The following C19orf47 variants were observed in gnomAD, a reference collection of about 807,000 sequenced individuals.
The protein encoded by C19orf47 is chromosome 19 open reading frame 47.
Under a neutral mutation model 32.3 loss-of-function variants are expected in C19orf47, and 18 were observed. The observed-to-expected ratio is 0.56, with a 90% CI of 0.39 to 0.83. The LOEUF (loss-of-function observed/expected upper bound fraction) is 0.83, where lower values mean the gene tolerates loss of function less well. Ranked by LOEUF, C19orf47 falls within the 40% of genes least tolerant of loss-of-function variation. The probability of loss-of-function intolerance (pLI) is 0.00; values close to 1 mark genes in which losing one functional copy is unlikely to be tolerated. For synonymous variants in C19orf47, 202 were observed against 211.1 expected (o/e 0.96, Z 0.37); for missense variants, 484 against 531.6 (o/e 0.91, Z 0.88).
downstream of C19orf47, among the ~76,000 whole-genome samples, chr19:40,317,717 G>GT (rs747223536): frequency 3.2e-3 from 466 of 145,844 alleles, no homozygotes; most frequent in Non-Finnish European, 4.9e-3. Context: ...CAAATCCACT[G>GT]TTTTTTTTTT....
chr19:40,327,303 C>T (rs1317130164), intron 6 of C19orf47, among the ~76,000 whole-genome samples: 1 of 151,256 alleles, frequency 6.6e-6, no homozygotes, highest in Non-Finnish European at 1.5e-5. Flanking sequence ...TGTGAGCCAC[C>T]CCGCCCAGCC....
At chr19:40,322,657 C>CCGCACAAAGGGAATGT (rs2077745517) in intron 8 of C19orf47, among the ~76,000 whole-genome samples, 2 of 152,196 alleles carry the variant, frequency 1.3e-5, no homozygotes, top group Admixed American at 6.5e-5. Flanking sequence ...GACGGGAGTG[C>CCGCACAAAGGGAATGT]CGCACAAAGG....
Position 40,328,497 on chromosome 19 carries a change from G to A in C19orf47, c.355C>T (p.Pro119Ser), listed in dbSNP as rs753599001. The change falls in exon 6 of 9, where the codon CCC becomes TCC. Residue 119 changes from proline (P) to serine (S), a missense_variant. Transcript: ENST00000683109. ...SLNHDSPPST[P>S]PRRPDTSTSK... ...GTGCTGGTGTCCGGGCGCCTGGGGG[G>A]TGTGCTGGGTGGAGAGTCATGGTTC... 5.0e-6 allele frequency: 8 copies of A among 1,611,746 alleles called. No individual in the cohort carries two copies. The Admixed American group carries it at 6.7e-5, about 14-fold the overall frequency.
chr19:40,347,169 C>G (rs762135732), intron 1 of C19orf47, among the ~76,000 whole-genome samples: 1 of 152,076 alleles, frequency 6.6e-6, no homozygotes, highest in Non-Finnish European at 1.5e-5. Context: ...ATGGGCTGTT[C>G]AGTTTCCATT....
At chr19:40,312,462 G>A in the C19orf47 span, among the ~76,000 whole-genome samples, 9 of 151,900 alleles carry the variant, frequency 5.9e-5, no homozygotes, top group Admixed American at 1.3e-4. Context: ...GGAGAATGGC[G>A]TGAACCCAGG....
chr19:40,326,169 T>C lies in C19orf47; in HGVS notation c.592+165A>G, dbSNP rs545581917. 3.9e-5 allele frequency among the ~76,000 whole-genome samples: 6 copies of C among 152,316 alleles called. No homozygotes were observed. The East Asian group carries it at 1.2e-3, about 29-fold the overall frequency. ...AGGATCAGAGGGCAGAGGTGATGTA[T>C]TTCCCTCCTCTGCAGCCACCATCAC... On this transcript the variant is annotated intron_variant, in intron 7 of 8. Transcript: ENST00000683109.
chr19:40,345,667 C>A (rs891270614), intron 1 of C19orf47, among the ~76,000 whole-genome samples: 11 of 150,402 alleles, frequency 7.3e-5, no homozygotes, highest in African/African-American at 2.4e-4. Context: ...TATGGTGAAA[C>A]CCCATCTCTA....
At chr19:40,340,979 A>G (rs2078166259) in intron 2 of C19orf47, among the ~76,000 whole-genome samples, 2 of 150,284 alleles carry the variant, frequency 1.3e-5, no homozygotes, top group East Asian at 2.0e-4. Flanking sequence ...CTGTCTCAAA[A>G]AAAAAAAAAA....
rs117383339 is a variant in C19orf47 at position 40,328,578 on chromosome 19, G to A, written c.302-28C>T. 7.5e-4 allele frequency: 1,195 copies of A among 1,584,930 alleles called. 1 individual carries two copies. The highest frequency in any genetic ancestry group is 3.8e-3 in the African/African-American group (282 of 73,436). On this transcript the variant is annotated intron_variant, in intron 5 of 8. Coordinates refer to ENST00000683109, the MANE Select transcript of C19orf47 (RefSeq NM_001256441.2). ...GTGGGGAGAAAAGGAGAGTCCGGTC[G>A]GGTGGGGTCCTGGAAGACAGGCCTC...
intron 5 of C19orf47, 68 bp from the exon 6 acceptor site, chr19:40,328,618 A>C: frequency 8.5e-6 from 13 of 1,531,082 alleles, no homozygotes; most frequent in South Asian, 1.3e-5. Context: ...CAGCAGTCTC[A>C]GGGTCAGGAT....
In C19orf47 at chr19:40,324,047, G is replaced by C; in HGVS notation, c.622C>G (p.Leu208Val). The change falls in exon 8 of 9, where the codon CTC becomes GTC. Residue 208 changes from leucine (L) to valine (V), a missense_variant. By Grantham distance (32) the Leu-to-Val change is conservative. This residue lies in a region of C19orf47 where 376 missense variants were observed against 370.2 expected (regional missense o/e 1.02). Transcript: ENST00000683109. Reference protein sequence around the residue: ...GLHRTSVFDRLGAETKADTTT... With the variant: ...GLHRTSVFDRVGAETKADTTT... ...GTGTCTGCCTTGGTCTCGGCGCCGA[G>C]GCGGTCAAACACAGACGTCCTATGG... The C allele has an allele frequency of 6.2e-7, 1 of 1,614,250 alleles. No individual in the cohort carries two copies.
At chr19:40,338,463 G>A (rs2078114062) in intron 2 of C19orf47, among the ~76,000 whole-genome samples, 1 of 151,662 alleles carries the variant, frequency 6.6e-6, no homozygotes, top group Non-Finnish European at 1.5e-5. Flanking sequence ...TCGGCTGACT[G>A]CAACCTCCAC....
At chr19:40,302,343 C>T in the C19orf47 span, among the ~76,000 whole-genome samples, 1 of 152,286 alleles carries the variant, frequency 6.6e-6, no homozygotes, top group African/African-American at 2.4e-5. Flanking sequence ...CGGCTCACTG[C>T]AGCCTCCACC....
chr19:40,321,582 G>A lies in C19orf47; in HGVS notation c.*300C>T. Reference sequence around the variant, plus strand: ...GAAGAAGGGGAATGTAGGAGAGGAAGAAGCCCCCTGGCACTTGGGAGAGGT... The same window carrying A: ...GAAGAAGGGGAATGTAGGAGAGGAAAAAGCCCCCTGGCACTTGGGAGAGGT... On this transcript the variant is annotated 3_prime_UTR_variant, in exon 9 of 9. Coordinates refer to ENST00000683109, the MANE Select transcript of C19orf47 (RefSeq NM_001256441.2). The A allele has an allele frequency of 8.6e-7, 1 of 1,167,126 alleles. No individual in the cohort carries two copies. The highest frequency in any genetic ancestry group is 1.1e-6 in the Non-Finnish European group (1 of 943,170). The allele number at this position is 1,167,126 out of a possible 1,614,324, so 72.3% of individuals were successfully genotyped here.
In C19orf47 at chr19:40,335,156, G is replaced by A. The variant is rs563230635; in HGVS notation, c.222+954C>T. Reference sequence around the variant, plus strand: ...TCACTTAATGAGTACAGCACTCCAGGTCTGGTGCTCAAGGCCACATATACT... The same window carrying A: ...TCACTTAATGAGTACAGCACTCCAGATCTGGTGCTCAAGGCCACATATACT... On this transcript the variant is annotated intron_variant, in intron 4 of 8. Coordinates refer to ENST00000683109, the MANE Select transcript of C19orf47 (RefSeq NM_001256441.2). Among the ~76,000 whole-genome samples the A allele has an allele frequency of 1.4e-4, 21 of 152,260 alleles. No individual in the cohort carries two copies. The East Asian group carries it at 4.1e-3, about 29-fold the overall frequency.
In C19orf47 at chr19:40,338,291, A is replaced by AC. The variant is rs397822565; in HGVS notation, c.20-1885_20-1884insG. On this transcript the variant is annotated intron_variant, in intron 2 of 8. Transcript: ENST00000683109. Reference sequence around the variant, plus strand: ...TACACACACACACACACACACACACAAATATATATATATACACATATATAT... The same window carrying AC: ...TACACACACACACACACACACACACACAATATATATATATACACATATATAT... 4.7e-5 allele frequency among the ~76,000 whole-genome samples: 7 copies of AC among 148,082 alleles called. 1 individual carries two copies. The highest frequency in any genetic ancestry group is 2.2e-4 in the South Asian group (1 of 4,642).
intron 1 of C19orf47, among the ~76,000 whole-genome samples, chr19:40,347,468 GT>G (rs1276931873): frequency 6.6e-6 from 1 of 151,944 alleles, no homozygotes; most frequent in Non-Finnish European, 1.5e-5. Flanking sequence ...GGAAGCGGAG[GT>G]TGCGGTGAGA....
the C19orf47 span, among the ~76,000 whole-genome samples, chr19:40,293,128 G>A: frequency 7.9e-5 from 12 of 151,378 alleles, no homozygotes; most frequent in African/African-American, 1.9e-4. Context: ...GGACTCTCAC[G>A]TCTAAGTATG....
At chr19:40,312,416 GCGC>G in the C19orf47 span, among the ~76,000 whole-genome samples, 1 of 152,100 alleles carries the variant, frequency 6.6e-6, no homozygotes, top group East Asian at 1.9e-4. Context: ...ATGGTGGCGG[GCGC>G]CTGTAGTCCC....
Sources: gnomAD v4.1 joint callset for allele counts (sites outside exome capture counted in the v4.1 genomes callset) on GRCh38, gnomAD v4.1.1 for gene constraint, gnomAD v4.1.1 regional missense constraint, MANE v1.5 for transcripts, NCBI Gene and HGNC (gene_info 2026-07-23, HGNC 2026-07-21) for gene names.